Variants in GRK4 observed in about 807,000 individuals in gnomAD.
The protein encoded by GRK4 is G protein-coupled receptor kinase 2-like.
A neutral mutation model predicts 77.9 loss-of-function variants in GRK4; 73 were observed. The ratio of observed to expected loss-of-function variants is 0.94; its 90% CI spans 0.78 to 1.14. GRK4 has a LOEUF of 1.14. Among genes scored for constraint, GRK4 ranks in the 50% most tolerant of loss-of-function variants. The pLI, the probability that GRK4 is intolerant of heterozygous loss-of-function variation, is 0.00. For synonymous variants in GRK4, 257 were observed against 254.4 expected, an observed-to-expected ratio of 1.01 and a Z score of -0.10; for missense variants, 729 against 700.2, an observed-to-expected ratio of 1.04 and a Z score of -0.46.
At chr4:3,011,469 A>G (rs115308252) in intron 7 of GRK4, among the ~76,000 whole-genome samples, 58 of 152,344 alleles carry the variant, frequency 3.8e-4, no homozygotes, top group African/African-American at 1.3e-3. Flanking sequence ...AGAAAGACTC[A>G]GTATAATTAT....
At chr4:2,969,519 G>T (rs1311928182) in intron 1 of GRK4, among the ~76,000 whole-genome samples, 1 of 151,942 alleles carries the variant, frequency 6.6e-6, no homozygotes, top group East Asian at 1.9e-4. Flanking sequence ...TGGGATTACA[G>T]GCATGCACTA....
chr4:2,965,286 C>T (rs1181467132), intron 1 of GRK4: 2 of 703,060 alleles, frequency 2.8e-6, no homozygotes, highest in Admixed American at 4.0e-5. Context: ...TCCAGCCCTT[C>T]AGCGGGAGAC....
chr4:3,036,008 C>T (rs954849898), intron 13 of GRK4, among the ~76,000 whole-genome samples: 2 of 151,110 alleles, frequency 1.3e-5, no homozygotes, highest in African/African-American at 4.9e-5. Context: ...TTTCTAGAGA[C>T]GGGGGTCTCC....
At chr4:2,992,726 A>G (rs908942596) in intron 4 of GRK4, among the ~76,000 whole-genome samples, 1 of 152,122 alleles carries the variant, frequency 6.6e-6, no homozygotes, top group Non-Finnish European at 1.5e-5. Context: ...CATGCCTGTA[A>G]TCTCAGCACT....
chr4:3,004,432 G>T (rs1337196340), intron 5 of GRK4, 98 bp downstream of exon 5: 5 of 740,316 alleles, frequency 6.8e-6, no homozygotes, highest in Admixed American at 4.6e-5. Context: ...AGTTCCTAGA[G>T]TGTAGTTGAC....
chr4:3,012,682 C>T (rs935249372), intron 7 of GRK4, among the ~76,000 whole-genome samples: 25 of 152,066 alleles, frequency 1.6e-4, no homozygotes, highest in African/African-American at 6.0e-4. Context: ...ACCTGAGGCT[C>T]ATGATACTAT....
intron 4 of GRK4, among the ~76,000 whole-genome samples, chr4:2,992,929 A>C (rs1408155758): frequency 6.6e-6 from 1 of 152,212 alleles, no homozygotes; most frequent in Admixed American, 6.5e-5. Context: ...GGCTGCAGTG[A>C]GCTGGGATCA....
intron 11 of GRK4, 96 bp downstream of exon 11, chr4:3,028,097 G>A (rs934511619): frequency 2.1e-5 from 22 of 1,026,144 alleles, no homozygotes; most frequent in Middle Eastern, 5.8e-4. Context: ...CCGGGGCCTC[G>A]GTTTGGACAC....
At chr4:3,010,578 G>A (rs1017479858) in intron 7 of GRK4, among the ~76,000 whole-genome samples, 1 of 152,124 alleles carries the variant, frequency 6.6e-6, no homozygotes, top group Non-Finnish European at 1.5e-5. Context: ...CACTGTAGTT[G>A]GTGGATGGAG....
intron 10 of GRK4, among the ~76,000 whole-genome samples, chr4:3,023,884 G>A (rs1175913355): frequency 6.6e-6 from 1 of 152,196 alleles, no homozygotes; most frequent in Non-Finnish European, 1.5e-5. Context: ...ACAAAGCAGG[G>A]AATTGTGTGT....
chr4:3,001,089 A>ATATATATATATATGTGTGTGTGTGTG lies in GRK4; in HGVS notation c.340-3141_340-3140insATATATATATATGTGTGTGTGTGTGT. ...TAAATGAGACTATATATATATATAT[A>ATATATATATATATGTGTGTGTGTGTG]TGTGTGTGTGTGTGTGTATATATAT... On this transcript the variant is annotated intron_variant, in intron 4 of 15. Transcript: ENST00000398052. Among the ~76,000 whole-genome samples, 495 of 82,426 alleles carry ATATATATATATATGTGTGTGTGTGTG rather than the reference A, an allele frequency of 6.0e-3. 68 individuals carry two copies. The highest frequency in any genetic ancestry group is 0.027 in the African/African-American group (462 of 17,210). 54.1% of individuals were successfully genotyped at this position (82,426 alleles called of 152,430 possible). A position where few individuals can be genotyped will look rare whatever the true frequency, so the allele number is the denominator to read the frequency against.
At chr4:2,968,341 A>G (rs1718419076) in intron 1 of GRK4, among the ~76,000 whole-genome samples, 1 of 152,138 alleles carries the variant, frequency 6.6e-6, no homozygotes, top group Non-Finnish European at 1.5e-5. Context: ...GGTGTTATTG[A>G]GCAGTTTCTT....
chr4:2,967,022 G>T (rs1717926129), intron 1 of GRK4: 1 of 152,164 alleles, frequency 6.6e-6, no homozygotes, highest in African/African-American at 2.4e-5. Flanking sequence ...GGTCATGAGA[G>T]TGGAACCCTC....
intron 1 of GRK4, among the ~76,000 whole-genome samples, chr4:2,967,456 A>C (rs1718060172): frequency 6.6e-6 from 1 of 152,202 alleles, no homozygotes; most frequent in South Asian, 2.1e-4. Flanking sequence ...GCTGGAGTGC[A>C]GTGGTATGAT....
intron 2 of GRK4, among the ~76,000 whole-genome samples, chr4:2,986,567 G>A (rs368076128): frequency 7.2e-5 from 11 of 151,838 alleles, no homozygotes; most frequent in East Asian, 3.9e-4. Context: ...GGTTGGCCAG[G>A]ATGGTCTCAA....
Position 3,001,089 on chromosome 4 carries a change from A to ATATATATATATATATGTGTGTGTG in GRK4, c.340-3141_340-3140insATATATATATATATGTGTGTGTGT. Among the ~76,000 whole-genome samples, 265 of 82,426 alleles carry ATATATATATATATATGTGTGTGTG rather than the reference A, an allele frequency of 3.2e-3. 26 individuals are homozygous for ATATATATATATATATGTGTGTGTG. The highest frequency in any genetic ancestry group is 4.7e-3 in the Non-Finnish European group (190 of 40,032). 54.1% of individuals were successfully genotyped at this position (82,426 alleles called of 152,430 possible). On this transcript the variant is annotated intron_variant, in intron 4 of 15. Coordinates refer to ENST00000398052, the MANE Select transcript of GRK4 (RefSeq NM_182982.3). The stretch of plus-strand genomic sequence containing the variant: ...TAAATGAGACTATATATATATATAT[A>ATATATATATATATATGTGTGTGTG]TGTGTGTGTGTGTGTGTATATATAT...
At chr4:3,002,736 A>G (rs968690678) in intron 4 of GRK4, among the ~76,000 whole-genome samples, 4 of 152,074 alleles carry the variant, frequency 2.6e-5, no homozygotes, top group African/African-American at 9.7e-5. Context: ...GCATGCGCCC[A>G]TAGTCCCTGC....
rs118011304 is a variant in GRK4, at chr4:3,037,909, C to A, written c.1545+398C>A. On this transcript the variant is annotated intron_variant, in intron 14 of 15. Coordinates refer to ENST00000398052, the MANE Select transcript of GRK4 (RefSeq NM_182982.3). ...CACCTTGGGCGACAGAACGAGACTT[C>A]GTCTCACCCAAAAAAAAAAAAAAAA... is the stretch of plus-strand genomic sequence containing the variant. Among the ~76,000 whole-genome samples the A allele has an allele frequency of 3.9e-4, 57 of 146,428 alleles. No homozygotes were observed. In the East Asian group the frequency reaches 0.011, roughly 27 times the overall value.
At chr4:2,966,263 T>G (rs534955764) in intron 1 of GRK4, 1 of 152,120 alleles carries the variant, frequency 6.6e-6, no homozygotes, top group East Asian at 1.9e-4. Flanking sequence ...AATACAAAAA[T>G]TAGCCGGGCG....
Sources: gnomAD v4.1 joint callset for allele counts (sites outside exome capture counted in the v4.1 genomes callset) on GRCh38, gnomAD v4.1.1 for gene constraint, MANE v1.5 for transcripts, NCBI Gene and HGNC (gene_info 2026-07-23, HGNC 2026-07-21) for gene names.